The following PREPL variants were observed in gnomAD, a reference collection of about 807,000 sequenced individuals.
PREPL encodes prolyl endopeptidase like.
Under a neutral mutation model 70.6 loss-of-function variants are expected in PREPL, and 77 were observed. That is an observed-to-expected ratio of 1.09 (90% CI 0.91 to 1.32). PREPL has a LOEUF of 1.32. Ranked by LOEUF, PREPL falls within the 40% of genes most tolerant of loss-of-function variation. PREPL has a pLI of 0.00. For synonymous variants in PREPL, 315 were observed against 264.8 expected, an observed-to-expected ratio of 1.19 and a Z score of -1.84; for missense variants, 1,002 against 778.2, an observed-to-expected ratio of 1.29 and a Z score of -3.42.
rs777629937 is a variant in PREPL, at chr2:44,328,950, A to G, written c.1249T>C (p.Tyr417His). The G allele has an allele frequency of 1.9e-6, 3 of 1,613,178 alleles. No individual in the cohort carries two copies. Among genetic ancestry groups the G allele is most frequent in the East Asian group, 2.2e-5 (1 of 44,876 alleles). ...VLVDDGWILA[Y>H]CHVRGGGELG... is the part of the protein sequence containing the mutation. ...ATACTGACTCACCGAACATGGCAGT[A>G]TGCTAATATCCATCCATCATCCACC... Residue 417 changes from tyrosine to histidine, a missense_variant, in exon 9 of 14, where the codon TAC becomes CAC. Tyr to His is a moderately conservative substitution (Grantham distance 83, BLOSUM62 2). Coordinates refer to ENST00000409411, the MANE Select transcript of PREPL (RefSeq NM_001171613.2).
Position 44,322,185 on chromosome 2 carries a change from A to G in PREPL, c.1754-285T>C, listed in dbSNP as rs116790615. 3.3e-3 allele frequency among the ~76,000 whole-genome samples: 510 copies of G among 152,242 alleles called. 3 individuals are homozygous for G. The highest frequency in any genetic ancestry group is 0.012 in the African/African-American group (495 of 41,548). ...ATCAACCTGCCCTGTGGAATCTGAG[A>G]GTCTTATGCCCTGGAAACACCAACT... On this transcript the variant is annotated intron_variant, in intron 12 of 13. Transcript: ENST00000409411.
chr2:44,339,332 T>C lies in PREPL; in HGVS notation c.517A>G (p.Ser173Gly), dbSNP rs758838556. 5 of 1,614,020 alleles carry C rather than the reference T, an allele frequency of 3.1e-6. No individual in the cohort carries two copies. The Admixed American group carries it at 6.7e-5, about 22-fold the overall frequency. Residue 173 changes from serine (S) to glycine (G), a missense_variant, in exon 6 of 14, where the codon AGT becomes GGT. Coordinates refer to ENST00000409411, the MANE Select transcript of PREPL (RefSeq NM_001171613.2). Reference sequence around the variant, plus strand: ...ATAATATTTATGGTGAGGAAACGACTGTCTTTTGTAAGATAAAGGAAAACA... The same window carrying C: ...ATAATATTTATGGTGAGGAAACGACCGTCTTTTGTAAGATAAAGGAAAACA... ...YFVFLYLTKDSRFLTINIMNK... is the reference protein window; with the variant it reads ...YFVFLYLTKDGRFLTINIMNK...
intron 8 of PREPL, 44 bp downstream of exon 8, chr2:44,332,415 G>C: frequency 2.6e-6 from 4 of 1,510,106 alleles, no homozygotes; most frequent in Non-Finnish European, 3.7e-6. Flanking sequence ...CAAACGGTAT[G>C]CTTTCAGTAA....
rs888928377 is a variant in PREPL, at chr2:44,320,996, G to A, written c.*360C>T. The A allele has an allele frequency of 1.3e-5, 5 of 387,322 alleles. No homozygotes were observed. The highest frequency in any genetic ancestry group is 5.5e-5 in the South Asian group (2 of 36,588). 24.0% of individuals were successfully genotyped at this position (387,322 alleles called of 1,614,324 possible). ...TTAGAGGATGACTCACTGCCACAGTGTCTAAAAGCATTTGCTAGCAAAGAG... is the reference window on the plus strand; with the variant it reads ...TTAGAGGATGACTCACTGCCACAGTATCTAAAAGCATTTGCTAGCAAAGAG... On this transcript the variant is annotated 3_prime_UTR_variant, in exon 14 of 14. Transcript: ENST00000409411.
chr2:44,353,301 A>G (rs1676648234), intron 1 of PREPL, among the ~76,000 whole-genome samples: 4 of 150,570 alleles, frequency 2.7e-5, no homozygotes, highest in Admixed American at 1.3e-4. Context: ...GACTTATTAC[A>G]GGCCAGGCGC....
At chr2:44,338,948 A>G (rs901599513) in intron 6 of PREPL, among the ~76,000 whole-genome samples, 199 bp downstream of exon 6, 1 of 152,218 alleles carries the variant, frequency 6.6e-6, no homozygotes, top group Non-Finnish European at 1.5e-5. Flanking sequence ...AGGACAGAAT[A>G]TGTTTTATTT....
At position 44,320,467 on chromosome 2, in the gene PREPL, AAGGC is replaced by A; in HGVS notation, c.*885_*888del. ...AGGTTAAGTACCAATTCTGCCGACA[AAGGC>A]AGTAAAGTTGATACAAGTGGCATTT... is the stretch of plus-strand genomic sequence containing the variant. On this transcript the variant is annotated 3_prime_UTR_variant, in exon 14 of 14. Coordinates refer to ENST00000409411, the MANE Select transcript of PREPL (RefSeq NM_001171613.2). 1 of 1,614,166 alleles carries A rather than the reference AAGGC, an allele frequency of 6.2e-7. No individual in the cohort carries two copies. Among genetic ancestry groups the A allele is most frequent in the Non-Finnish European group, 8.5e-7 (1 of 1,179,984 alleles).
In PREPL at chr2:44,317,930, C is replaced by A; in HGVS notation, c.*3426G>T. The A allele has an allele frequency of 4.0e-6, 1 of 246,958 alleles. No individual in the cohort carries two copies. The allele number at this position is 246,958 out of a possible 1,614,324, so 15.3% of individuals were successfully genotyped here. ...ACATAAGAAACACTAACATAAAACA[C>A]AAAGAATTAAAATGAAGATATAGCA... On this transcript the variant is annotated 3_prime_UTR_variant, in exon 14 of 14. Coordinates refer to ENST00000409411, the MANE Select transcript of PREPL (RefSeq NM_001171613.2).
rs113601979 is a variant in PREPL, at chr2:44,319,019, T to C, written c.*2337A>G. Reference sequence around the variant, plus strand: ...GCTAACACTTACCGGGCACTTCTTATGTGAGTGGCACTGAAACATGTGCTT... The same window carrying C: ...GCTAACACTTACCGGGCACTTCTTACGTGAGTGGCACTGAAACATGTGCTT... On this transcript the variant is annotated 3_prime_UTR_variant, in exon 14 of 14. Transcript: ENST00000409411. The C allele has an allele frequency of 1.3e-5, 2 of 152,232 alleles. No homozygotes were observed. The highest frequency in any genetic ancestry group is 4.8e-5 in the African/African-American group (2 of 41,428). The allele number at this position is 152,232 out of a possible 1,614,324, so 9.4% of individuals were successfully genotyped here.
upstream of PREPL, chr2:44,361,849 C>T: frequency 3.1e-6 from 4 of 1,295,822 alleles, no homozygotes; most frequent in Non-Finnish European, 3.9e-6. Context: ...CAAGGAGATG[C>T]GAGTACCGGA....
intron 8 of PREPL, among the ~76,000 whole-genome samples, chr2:44,330,738 T>C (rs1230488058): frequency 6.6e-6 from 1 of 152,250 alleles, no homozygotes; most frequent in African/African-American, 2.4e-5. Context: ...ATATATGATA[T>C]GCTAAAGTCT....
rs1428035647 is a variant in PREPL, at chr2:44,319,395, G to A, written c.*1961C>T. The stretch of plus-strand genomic sequence containing the variant: ...CTTAAGTAATACAAAAATGGGGGGA[G>A]GGGAATAAAAATACAAAATATTAGA... On this transcript the variant is annotated 3_prime_UTR_variant, in exon 14 of 14. Transcript: ENST00000409411. The A allele has an allele frequency of 6.6e-6, 1 of 152,526 alleles. No homozygotes were observed. Among genetic ancestry groups the A allele is most frequent in the African/African-American group, 2.4e-5 (1 of 41,432 alleles). The allele number at this position is 152,526 out of a possible 1,614,324, so 9.4% of individuals were successfully genotyped here.
At chr2:44,322,663 CCT>C in intron 12 of PREPL, 66 bp downstream of exon 12, 2 of 1,539,862 alleles carry the variant, frequency 1.3e-6, no homozygotes, top group Non-Finnish European at 1.8e-6. Context: ...GAAATATATT[CCT>C]CTGAGCAGTG....
intron 8 of PREPL, 99 bp downstream of exon 8, chr2:44,332,360 T>C (rs1674201940): frequency 9.3e-7 from 1 of 1,072,538 alleles, no homozygotes; most frequent in East Asian, 2.4e-5. Context: ...AAATCTACAT[T>C]AGGAAACCGT....
In PREPL at chr2:44,320,397, A is replaced by C. The variant is rs1349022558; in HGVS notation, c.*959T>G. The C allele has an allele frequency of 6.2e-7, 1 of 1,614,104 alleles. No individual in the cohort carries two copies. Among genetic ancestry groups the C allele is most frequent in the Admixed American group, 1.7e-5 (1 of 60,018 alleles). ...GAATTTTGGAGAATCAACACTGTTA[A>C]ATCTACATAATATGATTTCGGGCCT... is the stretch of plus-strand genomic sequence containing the variant. On this transcript the variant is annotated 3_prime_UTR_variant, in exon 14 of 14. Coordinates refer to ENST00000409411, the MANE Select transcript of PREPL (RefSeq NM_001171613.2).
intron 5 of PREPL, among the ~76,000 whole-genome samples, chr2:44,340,047 T>C (rs1008838779): frequency 6.6e-6 from 1 of 152,118 alleles, no homozygotes; most frequent in African/African-American, 2.4e-5. Context: ...TAATTATAGA[T>C]ACAATTTTTG....
At chr2:44,336,536 A>C (rs77600523) in intron 7 of PREPL, among the ~76,000 whole-genome samples, 1 of 152,068 alleles carries the variant, frequency 6.6e-6, no homozygotes, top group South Asian at 2.1e-4. Flanking sequence ...GGCCTACCTG[A>C]GGGTTGAAGG....
At position 44,321,707 on chromosome 2, in the gene PREPL, C is replaced by G. The variant is rs560230132; in HGVS notation, c.1827+120G>C. On this transcript the variant is annotated intron_variant, in intron 13 of 13. Transcript: ENST00000409411. ...TCCCTCCCTCCCCTCCTGGGTCTCACCCATAGATAGGACATTTGTGAAGTG... is the reference window on the plus strand; with the variant it reads ...TCCCTCCCTCCCCTCCTGGGTCTCAGCCATAGATAGGACATTTGTGAAGTG... 6.3e-6 allele frequency: 10 copies of G among 1,586,362 alleles called. No homozygotes were observed. The South Asian group carries it at 1.0e-4, about 16-fold the overall frequency.
intron 10 of PREPL, among the ~76,000 whole-genome samples, chr2:44,325,647 A>T (rs112999133): frequency 1.3e-5 from 2 of 152,026 alleles, no homozygotes; most frequent in African/African-American, 4.8e-5. Context: ...TTAAACTGTA[A>T]ATAATTCTGC....
Sources: gnomAD v4.1 joint callset for allele counts (sites outside exome capture counted in the v4.1 genomes callset) on GRCh38, gnomAD v4.1.1 for gene constraint, MANE v1.5 for transcripts, NCBI Gene and HGNC (gene_info 2026-07-23, HGNC 2026-07-21) for gene names.